The following WNK2 variants were observed in gnomAD, a reference collection of about 807,000 sequenced individuals.
The protein encoded by WNK2 is WNK lysine deficient protein kinase 2, also known as serine/threonine-protein kinase WNK2.
Under a neutral mutation model 192.1 loss-of-function variants are expected in WNK2, and 67 were observed. The observed-to-expected ratio is 0.35, with a 90% CI of 0.29 to 0.43. WNK2 has a LOEUF of 0.43. Among genes scored for constraint, WNK2 ranks in the 20% least tolerant of loss-of-function variants. WNK2 has a pLI of 1.00. For synonymous variants in WNK2, 1,439 were observed against 1,393.9 expected (o/e 1.03, Z -0.72); for missense variants, 2,698 against 3,089.7 (o/e 0.87, Z 3.01).
At chr9:93,227,749 C>G (rs1264290456) in intron 2 of WNK2, among the ~76,000 whole-genome samples, 1 of 152,054 alleles carries the variant, frequency 6.6e-6, no homozygotes, top group Non-Finnish European at 1.5e-5. Flanking sequence ...CATCCTCTGC[C>G]TCAGCCTCCC....
chr9:93,202,362 G>GTGTGTGTGTGTGTGTA (rs1832580854), intron 2 of WNK2, among the ~76,000 whole-genome samples: 1 of 148,456 alleles, frequency 6.7e-6, no homozygotes, highest in Non-Finnish European at 1.5e-5. Context: ...GTGTGTGTGT[G>GTGTGTGTGTGTGTGTA]TGTGTATGTC....
At chr9:93,275,509 A>G (rs563574426) in intron 19 of WNK2, among the ~76,000 whole-genome samples, 4 of 152,260 alleles carry the variant, frequency 2.6e-5, no homozygotes, top group African/African-American at 9.6e-5. Context: ...CGTTTCCAGC[A>G]TATTTAGACC....
At chr9:93,188,305 G>T (rs557175736) in intron 2 of WNK2, among the ~76,000 whole-genome samples, 57 of 152,194 alleles carry the variant, frequency 3.7e-4, no homozygotes, top group Non-Finnish European at 6.9e-4. Context: ...AGGGTTCCCT[G>T]CCAGACGGGA....
At chr9:93,251,261 G>T (rs1048899775) in intron 8 of WNK2, among the ~76,000 whole-genome samples, 1 of 151,922 alleles carries the variant, frequency 6.6e-6, no homozygotes, top group African/African-American at 2.4e-5. Context: ...GACTACAGGT[G>T]TGTGCCACCA....
chr9:93,235,437 T>C (rs1413483074), intron 5 of WNK2, among the ~76,000 whole-genome samples: 2 of 152,230 alleles, frequency 1.3e-5, no homozygotes, highest in African/African-American at 4.8e-5. Flanking sequence ...CTACACCAAG[T>C]GTGTCTCTAG....
chr9:93,255,634 C>T (rs1012323315), intron 9 of WNK2, among the ~76,000 whole-genome samples: 3 of 152,162 alleles, frequency 2.0e-5, no homozygotes, highest in Non-Finnish European at 4.4e-5. Context: ...AGCCATGATC[C>T]TCTGTAGCCC....
chr9:93,300,404 C>A, intron 26 of WNK2: 1 of 361,530 alleles, frequency 2.8e-6, no homozygotes, highest in Non-Finnish European at 5.0e-6. Flanking sequence ...GCATGTGCAG[C>A]GGCTGGCCTG....
chr9:93,234,762 G>A, intron 4 of WNK2, 46 bp from the exon 5 acceptor site: 8 of 1,587,972 alleles, frequency 5.0e-6, no homozygotes, highest in African/African-American at 1.3e-5. Context: ...AGCTCTTCCT[G>A]GGCCCGTGGC....
At chr9:93,317,925 C>A (rs1463615505) in intron 29 of WNK2, 3 of 1,598,246 alleles carry the variant, frequency 1.9e-6, no homozygotes, top group South Asian at 1.1e-5. Context: ...GCCTCCGAGT[C>A]CCCCCCACCG....
At chr9:93,290,717 G>C (rs531383326) in intron 21 of WNK2, among the ~76,000 whole-genome samples, 7 of 152,206 alleles carry the variant, frequency 4.6e-5, no homozygotes, top group Middle Eastern at 3.2e-3. Context: ...CAGTGCGGTG[G>C]GGGGGGCGCT....
intron 4 of WNK2, among the ~76,000 whole-genome samples, chr9:93,232,431 C>A (rs1468467867): frequency 6.6e-6 from 1 of 152,160 alleles, no homozygotes; most frequent in African/African-American, 2.4e-5. Flanking sequence ...GGGCCCAGGA[C>A]CGTGGAGAGC....
At chr9:93,314,372 C>T (rs1210106112) in intron 28 of WNK2, among the ~76,000 whole-genome samples, 2 of 149,152 alleles carry the variant, frequency 1.3e-5, no homozygotes, top group African/African-American at 2.5e-5. Context: ...CGCTTGAGCC[C>T]AGGAGGTCAA....
Position 93,185,244 on chromosome 9 carries a change from G to T in WNK2, c.315G>T (p.Pro105=). Reference sequence around the variant, plus strand: ...CGCCCGCAGCGCTGGTAGCGCAGCCGGGAGCCCCCGGAGCCCCCGCGGACG... The same window carrying T: ...CGCCCGCAGCGCTGGTAGCGCAGCCTGGAGCCCCCGGAGCCCCCGCGGACG... The part of the protein sequence containing the change: ...APAPAALVAQ[P]GAPGAPADAG... Residue 105 remains proline (P), a synonymous_variant, in exon 2 of 30, where the codon CCG becomes CCT. Transcript: ENST00000427277. 1 of 1,228,420 alleles carries T rather than the reference G, an allele frequency of 8.1e-7. No individual in the cohort carries two copies. The highest frequency in any genetic ancestry group is 3.5e-5 in the East Asian group (1 of 28,820). 76.1% of individuals were successfully genotyped at this position (1,228,420 alleles called of 1,614,324 possible).
intron 19 of WNK2, among the ~76,000 whole-genome samples, chr9:93,275,601 G>C (rs753289577): frequency 6.6e-6 from 1 of 152,112 alleles, no homozygotes; most frequent in Non-Finnish European, 1.5e-5. Flanking sequence ...GTCTTAGCCA[G>C]ATTTAAAGAC....
chr9:93,204,892 G>A (rs1833097512), intron 2 of WNK2, among the ~76,000 whole-genome samples: 1 of 152,200 alleles, frequency 6.6e-6, no homozygotes, highest in South Asian at 2.1e-4. Context: ...ACCCTGTCCT[G>A]CCTGGCCCTG....
rs890035147 is a variant in WNK2, at chr9:93,257,396, C to T, written c.2382+257C>T. Among the ~76,000 whole-genome samples the T allele has an allele frequency of 2.0e-5, 3 of 152,134 alleles. No individual in the cohort carries two copies. Among genetic ancestry groups the T allele is most frequent in the African/African-American group, 7.2e-5 (3 of 41,444 alleles). On this transcript the variant is annotated intron_variant, in intron 11 of 29. Coordinates refer to ENST00000427277, the MANE Select transcript of WNK2 (RefSeq NM_006648.4). The surrounding 1 kb of genome is among the most constrained non-coding windows in gnomAD (Gnocchi z 4.7). ...GCTGGCTTGGCTGCTGTCTCCTGCC[C>T]TCCAGCCTCACCTTCTCTACCAACC...
At position 93,257,742 on chromosome 9, in the gene WNK2, G is replaced by A. The variant is rs1451549918; in HGVS notation, c.2382+603G>A. Among the ~76,000 whole-genome samples the A allele has an allele frequency of 6.6e-6, 1 of 152,222 alleles. No individual in the cohort carries two copies. The highest frequency in any genetic ancestry group is 1.5e-5 in the Non-Finnish European group (1 of 68,038). On this transcript the variant is annotated intron_variant, in intron 11 of 29. Coordinates refer to ENST00000427277, the MANE Select transcript of WNK2 (RefSeq NM_006648.4). The surrounding 1 kb of genome is among the most constrained non-coding windows in gnomAD (Gnocchi z 4.7). Reference sequence around the variant, plus strand: ...AAGCCAGCCTGTGGCATTGCTGACTGCAGGAAAGCCCAGCCAGCAAGGCTC... The same window carrying A: ...AAGCCAGCCTGTGGCATTGCTGACTACAGGAAAGCCCAGCCAGCAAGGCTC...
intron 2 of WNK2, among the ~76,000 whole-genome samples, chr9:93,227,271 G>A (rs964968327): frequency 4.0e-5 from 6 of 151,348 alleles, no homozygotes; most frequent in Non-Finnish European, 7.4e-5. Context: ...CCGCCACCAC[G>A]CCCAGCTAAT....
intron 28 of WNK2, chr9:93,316,450 A>G (rs1374087129): frequency 6.6e-6 from 1 of 152,186 alleles, no homozygotes; most frequent in Non-Finnish European, 1.5e-5. Context: ...GTTTCTCTGC[A>G]GTGTAAAGAT....
Sources: allele counts gnomAD v4.1 joint callset (sites outside exome capture counted in the v4.1 genomes callset), GRCh38; gene constraint gnomAD v4.1.1; non-coding constraint Gnocchi (gnomAD v3.1); transcripts MANE v1.5; gene names NCBI Gene and HGNC (gene_info 2026-07-23, HGNC 2026-07-21).